Variants in RPAP1 observed in about 807,000 individuals in gnomAD.
RPAP1 encodes RNA polymerase II associated protein 1, also known as RNA polymerase II-associated protein 1.
Under a neutral mutation model 142.4 loss-of-function variants are expected in RPAP1, and 109 were observed. That is an observed-to-expected ratio of 0.77 (90% CI 0.66 to 0.90). The LOEUF is 0.90. Among genes scored for constraint, RPAP1 ranks in the 40% least tolerant of loss-of-function variants. The pLI is 0.00. For synonymous variants in RPAP1, 704 were observed against 738.9 expected (o/e 0.95, Z 0.77); for missense variants, 1,546 against 1,751.7 (o/e 0.88, Z 2.10).
intron 1 of RPAP1, among the ~76,000 whole-genome samples, chr15:41,542,725 T>A (rs2051981547): frequency 6.6e-6 from 1 of 152,214 alleles, no homozygotes; most frequent in African/African-American, 2.4e-5. Flanking sequence ...TGAAGATAAC[T>A]GTACCTACCT....
At chr15:41,530,344 G>A (rs2051835561) in intron 7 of RPAP1, among the ~76,000 whole-genome samples, 1 of 152,160 alleles carries the variant, frequency 6.6e-6, no homozygotes, top group Admixed American at 6.6e-5. Context: ...AGCCCTTAAA[G>A]GAGTAGGAGA....
In RPAP1 at chr15:41,517,571, C is replaced by G. The variant is rs765213022; in HGVS notation, c.4153G>C (p.Val1385Leu). ...GTCTCTGATACCCCATTTTGGAGCA[C>G]TGTTGAAGTCAGTCTCTGGAGGTAG... is the stretch of plus-strand genomic sequence containing the variant. ...QHYLQRLTST[V>L]LQNGVSET The change falls in exon 25 of 25, where the codon GTG (valine) becomes CTG (leucine). Residue 1385 changes from valine to leucine, a missense_variant. By Grantham distance (32) the Val-to-Leu change is conservative. Coordinates refer to ENST00000304330, the MANE Select transcript of RPAP1 (RefSeq NM_015540.4). 1.3e-6 allele frequency: 2 copies of G among 1,589,854 alleles called. No homozygotes were observed. The highest frequency in any genetic ancestry group is 1.7e-4 in the Middle Eastern group (1 of 5,910).
Position 41,524,137 on chromosome 15 carries a change from C to G in RPAP1, c.2193G>C (p.Gln731His). ...GGGTACTGCCGGCTGCCAGGGTTAG[C>G]TGGGTGAGGAGAGTGAGCAGTGAGG... ...RIASLLTLLT[Q>H]LTLAAGSTPA... The change falls in exon 16 of 25, where the codon CAG (glutamine) becomes CAC (histidine). Residue 731 changes from glutamine (Q) to histidine (H), a missense_variant. Coordinates refer to ENST00000304330, the MANE Select transcript of RPAP1 (RefSeq NM_015540.4). 6.3e-7 allele frequency: 1 copy of G among 1,596,616 alleles called. No individual in the cohort carries two copies. Among genetic ancestry groups the G allele is most frequent in the Non-Finnish European group, 8.5e-7 (1 of 1,169,798 alleles).
chr15:41,522,710 G>A (rs2051741386), intron 19 of RPAP1, 55 bp downstream of exon 19: 1 of 638,476 alleles, frequency 1.6e-6, no homozygotes, highest in African/African-American at 2.0e-5. Context: ...CTTTCTTTCT[G>A]ATTCCTGCCA....
In RPAP1 at chr15:41,534,844, T is replaced by A; in HGVS notation, c.633A>T (p.Thr211=). The change falls in exon 6 of 25, where the codon ACA becomes ACT. Residue 211 remains threonine (T), a synonymous_variant. Transcript: ENST00000304330. ...SHSFQGPNLV[T]GKGLRDQEAE... is the part of the protein sequence containing the mutation. ...CTTCTTGATCCCTGAGCCCCTTCCC[T>A]GTGACCAGATTGGGTCCCTGAAAGC... 6.2e-7 allele frequency: 1 copy of A among 1,614,178 alleles called. No individual in the cohort carries two copies. The highest frequency in any genetic ancestry group is 8.5e-7 in the Non-Finnish European group (1 of 1,180,016).
Position 41,517,442 on chromosome 15 carries a change from C to T in RPAP1, c.*100G>A. 8.4e-7 allele frequency: 1 copy of T among 1,189,788 alleles called. No homozygotes were observed. The highest frequency in any genetic ancestry group is 1.2e-6 in the Non-Finnish European group (1 of 853,376). The allele number at this position is 1,189,788 out of a possible 1,614,324, so 73.7% of individuals were successfully genotyped here. A position where few individuals can be genotyped will look rare whatever the true frequency, so the allele number is the denominator to read the frequency against. On this transcript the variant is annotated 3_prime_UTR_variant, in exon 25 of 25. Coordinates refer to ENST00000304330, the MANE Select transcript of RPAP1 (RefSeq NM_015540.4). ...GGCAAGCCTTCTGCTCCTTGGTCTC[C>T]TGCCTACCATTAGGACACAATGTTC...
chr15:41,525,189 G>A (rs2051778750), intron 14 of RPAP1, 41 bp from the exon 15 acceptor site: 1 of 1,550,180 alleles, frequency 6.5e-7, no homozygotes, highest in Middle Eastern at 1.7e-4. Context: ...TCAGCTGTGA[G>A]TCTCAAGTCC....
chr15:41,531,144 C>T lies in RPAP1; in HGVS notation c.822G>A (p.Glu274=). Reference sequence around the variant, plus strand: ...CTGGCCTCTGCTCCTCAGAGGCTGTCTCTCCTGTTTGCTCTTGCGTGTGGC... The same window carrying T: ...CTGGCCTCTGCTCCTCAGAGGCTGTTTCTCCTGTTTGCTCTTGCGTGTGGC... The part of the protein sequence containing the change: ...SHSHTQEQTG[E]TASEEQRPGG... Residue 274 remains glutamate, a synonymous_variant, in exon 7 of 25, where the codon GAG becomes GAA. Transcript: ENST00000304330. 6.2e-7 allele frequency: 1 copy of T among 1,614,026 alleles called. No individual in the cohort carries two copies. The highest frequency in any genetic ancestry group is 1.6e-4 in the Middle Eastern group (1 of 6,062).
intron 1 of RPAP1, among the ~76,000 whole-genome samples, chr15:41,541,068 C>A (rs1382479802): frequency 1.3e-5 from 2 of 148,204 alleles, no homozygotes; most frequent in Non-Finnish European, 3.0e-5. Context: ...AACCACTGAA[C>A]CAGACCTTGA....
At chr15:41,540,528 C>G (rs1595490605) in intron 1 of RPAP1, among the ~76,000 whole-genome samples, 1 of 152,190 alleles carries the variant, frequency 6.6e-6, no homozygotes, top group East Asian at 1.9e-4. Context: ...CTCGAACTCC[C>G]GACCTCAGGT....
At position 41,522,632 on chromosome 15, in the gene RPAP1, T is replaced by C. The variant is rs926396422; in HGVS notation, c.2742+133A>G. 5.4e-5 allele frequency: 41 copies of C among 753,088 alleles called. 1 individual carries two copies. The highest frequency in any genetic ancestry group is 3.8e-4 in the South Asian group (17 of 44,466). 46.7% of individuals were successfully genotyped at this position (753,088 alleles called of 1,614,324 possible). A position where few individuals can be genotyped will look rare whatever the true frequency, so the allele number is the denominator to read the frequency against. ...CTCGAACTCCCGACCTCAGGTGATCTGCCCACCTCGGCCTCCCAAACTGCT... is the reference window on the plus strand; with the variant it reads ...CTCGAACTCCCGACCTCAGGTGATCCGCCCACCTCGGCCTCCCAAACTGCT... On this transcript the variant is annotated intron_variant, in intron 19 of 24. Transcript: ENST00000304330.
chr15:41,532,266 C>T (rs1322795697), intron 6 of RPAP1, among the ~76,000 whole-genome samples: 1 of 152,036 alleles, frequency 6.6e-6, no homozygotes, highest in Admixed American at 6.6e-5. Flanking sequence ...GTGATCCGCC[C>T]ACCTCAGCCT....
rs144001889 is a variant in RPAP1, at chr15:41,528,073, T to C, written c.1261-46A>G. On this transcript the variant is annotated intron_variant, in intron 10 of 24. Coordinates refer to ENST00000304330, the MANE Select transcript of RPAP1 (RefSeq NM_015540.4). ...CCTTGCTGAAGATGCTGAAGTTATC[T>C]AGAGGCTTTGCCCTAATCCTTCGTT... The C allele has an allele frequency of 1.9e-3, 2,971 of 1,602,822 alleles. 48 individuals carry two copies. In the South Asian group the frequency reaches 0.022, roughly 12 times the overall value.
intron 1 of RPAP1, among the ~76,000 whole-genome samples, chr15:41,543,385 A>AT (rs1287562677): frequency 6.6e-6 from 1 of 150,732 alleles, no homozygotes; most frequent in African/African-American, 2.4e-5. Flanking sequence ...AATTTTTTGT[A>AT]TTTTTTTAGT....
rs377131040 is a variant in RPAP1, at chr15:41,536,965, C to A, written c.161G>T (p.Arg54Leu). 9 of 1,613,928 alleles carry A rather than the reference C, an allele frequency of 5.6e-6. No individual in the cohort carries two copies. In the African/African-American group the frequency reaches 1.2e-4, roughly 22 times the overall value. The stretch of plus-strand genomic sequence containing the variant: ...CTCACTGTCCAACATCACCACATCC[C>A]GATGGTCCTGGAGCGGAGGCCGGTC... ...NSDRPPLQDH[R>L]DVVMLDNLPD... Residue 54 changes from arginine (R) to leucine (L), a missense_variant, in exon 2 of 25, where the codon CGG becomes CTG. Transcript: ENST00000304330.
In RPAP1 at chr15:41,517,463, T is replaced by G; in HGVS notation, c.*79A>C. On this transcript the variant is annotated 3_prime_UTR_variant, in exon 25 of 25. Coordinates refer to ENST00000304330, the MANE Select transcript of RPAP1 (RefSeq NM_015540.4). ...TCTCCTGCCTACCATTAGGACACAA[T>G]GTTCTTCGTCTGGCCAGACATCTGT... 7.6e-7 allele frequency: 1 copy of G among 1,317,464 alleles called. No individual in the cohort carries two copies. 81.6% of individuals were successfully genotyped at this position (1,317,464 alleles called of 1,614,324 possible). A position where few individuals can be genotyped will look rare whatever the true frequency, so the allele number is the denominator to read the frequency against.
At chr15:41,531,627 ATTTTTTTTTTTT>A (rs150550154) in intron 6 of RPAP1, among the ~76,000 whole-genome samples, 11 of 22,006 alleles carry the variant, frequency 5.0e-4, no homozygotes, top group South Asian at 2.2e-3. Flanking sequence ...ATATATATAT[ATTTTTTTTTTTT>A]TTTTTTTTTT....
intron 12 of RPAP1, 29 bp from the exon 13 acceptor site, chr15:41,527,330 C>T: frequency 6.2e-7 from 1 of 1,613,866 alleles, no homozygotes. Flanking sequence ...AACCCACTGA[C>T]AAATGCAGCT....
At chr15:41,528,368 A>G in intron 9 of RPAP1, 32 bp from the exon 10 acceptor site, 2 of 1,484,758 alleles carry the variant, frequency 1.3e-6, no homozygotes, top group Non-Finnish European at 1.8e-6. Context: ...AGAAGCAGCC[A>G]GGATACAGCA....
Sources: gnomAD v4.1 joint callset for allele counts (sites outside exome capture counted in the v4.1 genomes callset) on GRCh38, gnomAD v4.1.1 for gene constraint, MANE v1.5 for transcripts, NCBI Gene and HGNC (gene_info 2026-07-23, HGNC 2026-07-21) for gene names.